FAM13B: variants seen among roughly 807,000 people sequenced by gnomAD.
FAM13B encodes family with sequence similarity 13 member B.
In FAM13B, 60 loss-of-function variants were observed where a neutral mutation model predicts 117.3. The ratio of observed to expected loss-of-function variants is 0.51; its 90% CI spans 0.42 to 0.63. FAM13B has a LOEUF of 0.63. Among genes scored for constraint, FAM13B ranks in the 30% least tolerant of loss-of-function variants. The pLI is 0.00. For synonymous variants in FAM13B, 332 were observed against 356.1 expected (o/e 0.93, Z 0.76); for missense variants, 972 against 1,091.9 (o/e 0.89, Z 1.55).
chr5:138,028,283 C>T (rs759255112), intron 1 of FAM13B, among the ~76,000 whole-genome samples: 2 of 152,158 alleles, frequency 1.3e-5, no homozygotes, highest in Non-Finnish European at 2.9e-5. Flanking sequence ...TATACCTTTT[C>T]TCCACTGAAA....
chr5:137,957,264 G>A (rs527378361), intron 13 of FAM13B, among the ~76,000 whole-genome samples: 13 of 152,134 alleles, frequency 8.5e-5, no homozygotes, highest in South Asian at 6.2e-4. Context: ...ACTCCTGGCC[G>A]GGCACGGTGG....
intron 10 of FAM13B, among the ~76,000 whole-genome samples, chr5:137,984,333 AG>A (rs1297640897): frequency 6.6e-6 from 1 of 152,238 alleles, no homozygotes; most frequent in Non-Finnish European, 1.5e-5. Flanking sequence ...TACGAGCAAG[AG>A]AAAGATGACT....
Position 137,938,506 on chromosome 5 carries a change from C to G in FAM13B, c.*1719G>C, listed in dbSNP as rs879859366. Reference sequence around the variant, plus strand: ...ATGGATTCAAATAAAAATGATACATCTTTTGGTATTTTCAATTTCACTTTT... The same window carrying G: ...ATGGATTCAAATAAAAATGATACATGTTTTGGTATTTTCAATTTCACTTTT... On this transcript the variant is annotated 3_prime_UTR_variant, in exon 24 of 24. Coordinates refer to ENST00000689681, the MANE Select transcript of FAM13B (RefSeq NM_001385994.1). 1.3e-5 allele frequency: 2 copies of G among 152,502 alleles called. No individual in the cohort carries two copies. Among genetic ancestry groups the G allele is most frequent in the Non-Finnish European group, 2.9e-5 (2 of 68,028 alleles). The allele number at this position is 152,502 out of a possible 1,614,324, so 9.4% of individuals were successfully genotyped here.
intron 1 of FAM13B, among the ~76,000 whole-genome samples, chr5:138,030,286 C>T (rs1286057091): frequency 6.6e-6 from 1 of 152,102 alleles, no homozygotes; most frequent in African/African-American, 2.4e-5. Flanking sequence ...TCACTCTGTC[C>T]CCCAGGCTGG....
chr5:137,942,766 A>G, intron 22 of FAM13B, 109 bp downstream of exon 22: 1 of 902,084 alleles, frequency 1.1e-6, no homozygotes, highest in East Asian at 2.7e-5. Flanking sequence ...CCTTTGATAA[A>G]TTCTTGATTC....
intron 3 of FAM13B, 145 bp from the exon 4 acceptor site, chr5:138,018,659 T>C (rs2150967096): frequency 4.2e-6 from 3 of 711,032 alleles, no homozygotes; most frequent in South Asian, 3.7e-5. Flanking sequence ...CTTCAAATTA[T>C]ACATCTAGAA....
intron 4 of FAM13B, 113 bp from the exon 5 acceptor site, chr5:138,012,058 A>T: frequency 1.5e-6 from 1 of 668,152 alleles, no homozygotes; most frequent in Non-Finnish European, 2.4e-6. Flanking sequence ...ACAATTCAAA[A>T]CCTCTTCACT....
At chr5:138,042,550 T>G (rs1378255980) in intron 1 of FAM13B, among the ~76,000 whole-genome samples, 1 of 152,202 alleles carries the variant, frequency 6.6e-6, no homozygotes, top group East Asian at 1.9e-4. Context: ...GTTTTTTCTT[T>G]AATTGAAATT....
chr5:137,953,537 T>G, intron 15 of FAM13B, 72 bp from the exon 16 acceptor site: 3 of 1,448,482 alleles, frequency 2.1e-6, no homozygotes, highest in Non-Finnish European at 2.9e-6. Context: ...TGCCCTGACA[T>G]GGCACTATTA....
intron 1 of FAM13B, chr5:138,039,126 CTAAT>C (rs1791391345): frequency 6.6e-6 from 1 of 152,202 alleles, no homozygotes; most frequent in East Asian, 1.9e-4. Flanking sequence ...AGCTATAAGA[CTAAT>C]TTGTTTTGGT....
At chr5:137,981,038 A>G (rs1021302558) in intron 10 of FAM13B, among the ~76,000 whole-genome samples, 21 of 148,004 alleles carry the variant, frequency 1.4e-4, no homozygotes, top group Non-Finnish European at 1.8e-4. Context: ...CAGCCTCCCA[A>G]GTAGCTGGGA....
At chr5:137,997,413 G>A (rs922744075) in intron 7 of FAM13B, among the ~76,000 whole-genome samples, 2 of 152,036 alleles carry the variant, frequency 1.3e-5, no homozygotes, top group African/African-American at 4.8e-5. Flanking sequence ...AGGTTGCGGT[G>A]AGCTGAGATC....
At chr5:137,981,093 T>TTTTA (rs1281802326) in intron 10 of FAM13B, among the ~76,000 whole-genome samples, 2 of 148,282 alleles carry the variant, frequency 1.3e-5, no homozygotes, top group African/African-American at 5.0e-5. Context: ...TTTTTTTTTT[T>TTTTA]TTTTTTTTTT....
At chr5:138,003,121 T>C (rs1781694222) in intron 7 of FAM13B, among the ~76,000 whole-genome samples, 2 of 152,134 alleles carry the variant, frequency 1.3e-5, no homozygotes, top group Admixed American at 1.3e-4. Flanking sequence ...CTTTAGCCTC[T>C]ATCTCAAGCA....
At chr5:138,044,367 TGTGG>T (rs1791583937) in intron 1 of FAM13B, among the ~76,000 whole-genome samples, 1 of 151,964 alleles carries the variant, frequency 6.6e-6, no homozygotes, top group Non-Finnish European at 1.5e-5. Flanking sequence ...GCCTGACCAA[TGTGG>T]TGAAACCCAG....
intron 10 of FAM13B, among the ~76,000 whole-genome samples, chr5:137,982,189 A>G (rs1253909166): frequency 6.6e-6 from 1 of 152,198 alleles, no homozygotes; most frequent in Non-Finnish European, 1.5e-5. Context: ...TTAGGAGGCA[A>G]TATTAATCCA....
At chr5:138,031,766 TTAGTA>T (rs1790110630) in intron 1 of FAM13B, among the ~76,000 whole-genome samples, 1 of 151,420 alleles carries the variant, frequency 6.6e-6, no homozygotes, top group Admixed American at 6.6e-5. Context: ...CAACAAGCAC[TTAGTA>T]AATGCACAGT....
chr5:137,946,071 T>A, intron 19 of FAM13B, 74 bp from the exon 20 acceptor site: 1 of 1,356,136 alleles, frequency 7.4e-7, no homozygotes, highest in African/African-American at 1.5e-5. Context: ...CAATGACTTA[T>A]TCGCCCAATT....
At chr5:137,979,153 C>T (rs1407474806) in intron 10 of FAM13B, among the ~76,000 whole-genome samples, 3 of 152,008 alleles carry the variant, frequency 2.0e-5, no homozygotes, top group African/African-American at 4.8e-5. Context: ...GCTGGGATTA[C>T]AAGCATGTGC....
Sources: gnomAD v4.1 joint callset for allele counts (sites outside exome capture counted in the v4.1 genomes callset) on GRCh38, gnomAD v4.1.1 for gene constraint, MANE v1.5 for transcripts, NCBI Gene and HGNC (gene_info 2026-07-23, HGNC 2026-07-21) for gene names.